Variants in CSMD1 observed in about 807,000 individuals in gnomAD.
CSMD1 encodes the protein CUB and Sushi multiple domains 1, also known as CUB and sushi domain-containing protein 1.
Under a neutral mutation model 417.5 loss-of-function variants are expected in CSMD1, and 213 were observed. The observed-to-expected ratio is 0.51, with a 90% CI of 0.46 to 0.57. The LOEUF (loss-of-function observed/expected upper bound fraction) is 0.57, where lower values mean the gene tolerates loss of function less well. Ranked by LOEUF, CSMD1 falls within the 20% of genes least tolerant of loss-of-function variation. The pLI, the probability that CSMD1 is intolerant of heterozygous loss-of-function variation, is 0.00. For synonymous variants in CSMD1, 2,862 were observed against 1,736.8 expected, an observed-to-expected ratio of 1.65 and a Z score of -16.11; for missense variants, 6,923 against 4,529.7, an observed-to-expected ratio of 1.53 and a Z score of -15.17.
intron 48 of CSMD1, among the ~76,000 whole-genome samples, chr8:3,088,419 C>T: frequency 6.6e-6 from 1 of 152,306 alleles, no homozygotes; most frequent in Non-Finnish European, 1.5e-5. Context: ...CCCTCTGGGG[C>T]TTCCATATAA....
intron 1 of CSMD1, among the ~76,000 whole-genome samples, chr8:4,753,406 CACACACACACACA>C (rs1811469153): frequency 7.6e-5 from 4 of 52,656 alleles, no homozygotes; most frequent in South Asian, 8.7e-4. Flanking sequence ...CCATAAACCA[CACACACACACACA>C]CACACACACA....
intron 1 of CSMD1, among the ~76,000 whole-genome samples, chr8:4,966,264 A>G (rs984152688): frequency 2.8e-4 from 42 of 151,224 alleles, no homozygotes; most frequent in Non-Finnish European, 5.7e-4. Context: ...CTGTAATCCC[A>G]GCTACTTGGG....
intron 3 of CSMD1, among the ~76,000 whole-genome samples, chr8:4,072,916 G>T (rs944442075): frequency 1.3e-5 from 2 of 152,086 alleles, no homozygotes; most frequent in Admixed American, 6.5e-5. Context: ...CACAACCTTG[G>T]ATATTACCAC....
chr8:4,165,300 G>C (rs979006193), intron 3 of CSMD1, among the ~76,000 whole-genome samples: 2 of 152,242 alleles, frequency 1.3e-5, no homozygotes, highest in African/African-American at 4.8e-5. Flanking sequence ...GTTAAGTTCT[G>C]TGTGCCGGGT....
At chr8:4,152,574 C>A (rs1239362146) in intron 3 of CSMD1, among the ~76,000 whole-genome samples, 1 of 151,552 alleles carries the variant, frequency 6.6e-6, no homozygotes, top group African/African-American at 2.4e-5. Flanking sequence ...CTTGTGTTCC[C>A]AACTCCTTGG....
chr8:2,989,778 C>T (rs1202506572), intron 54 of CSMD1, among the ~76,000 whole-genome samples: 1 of 152,200 alleles, frequency 6.6e-6, no homozygotes, highest in Admixed American at 6.5e-5. Flanking sequence ...TAAAAGCCCA[C>T]TCTTTTGAGT....
At chr8:3,712,579 A>C (rs1246523019) in intron 6 of CSMD1, among the ~76,000 whole-genome samples, 1 of 152,224 alleles carries the variant, frequency 6.6e-6, no homozygotes, top group Non-Finnish European at 1.5e-5. Flanking sequence ...ATGAATGATA[A>C]AAATATTTCG....
intron 1 of CSMD1, among the ~76,000 whole-genome samples, chr8:4,883,700 C>T (rs1803555169): frequency 6.6e-6 from 1 of 151,924 alleles, no homozygotes; most frequent in South Asian, 2.1e-4. Flanking sequence ...TATGGCCATA[C>T]CATATTTTGT....
rs183162119 is a variant in CSMD1, at chr8:3,026,620, C to G, written c.7855+2699G>C. Among the ~76,000 whole-genome samples, 1,232 of 152,134 alleles carry G rather than the reference C, an allele frequency of 8.1e-3. 24 individuals are homozygous for G. The highest frequency in any genetic ancestry group is 0.028 in the African/African-American group (1,166 of 41,464). ...CTCACTGGACCTCACTGGACCTCAC[C>G]GGGCCTCCAGCCCTGTCAACACCGT... On this transcript the variant is annotated intron_variant, in intron 51 of 69. Transcript: ENST00000635120.
chr8:3,928,256 A>G (rs1475610111), intron 5 of CSMD1, among the ~76,000 whole-genome samples: 3 of 152,246 alleles, frequency 2.0e-5, no homozygotes, highest in African/African-American at 4.8e-5. Flanking sequence ...ACAGCCTCAT[A>G]ATTACATATG....
At chr8:4,351,623 G>C (rs1262596226) in intron 3 of CSMD1, among the ~76,000 whole-genome samples, 2 of 152,184 alleles carry the variant, frequency 1.3e-5, no homozygotes, top group African/African-American at 4.8e-5. Context: ...GTGGGAGTGA[G>C]AAAGGAGATG....
chr8:3,232,218 T>A (rs187557749), intron 26 of CSMD1, among the ~76,000 whole-genome samples: 71 of 152,314 alleles, frequency 4.7e-4, no homozygotes, highest in African/African-American at 1.7e-3. Flanking sequence ...TGACTATAAA[T>A]GTATGCATTC....
intron 3 of CSMD1, among the ~76,000 whole-genome samples, chr8:4,096,566 G>A (rs1018906359): frequency 5.7e-5 from 8 of 141,474 alleles, no homozygotes; most frequent in African/African-American, 8.7e-5. Context: ...GATAATGCAC[G>A]CCACTAAGGA....
chr8:4,894,456 G>C (rs572402557), intron 1 of CSMD1, among the ~76,000 whole-genome samples: 2 of 151,776 alleles, frequency 1.3e-5, no homozygotes, highest in Admixed American at 6.6e-5. Flanking sequence ...GGGAGGCTGA[G>C]GCAGGAGAAT....
intron 3 of CSMD1, among the ~76,000 whole-genome samples, chr8:4,278,369 C>G (rs1796600564): frequency 6.6e-6 from 1 of 152,104 alleles, no homozygotes; most frequent in African/African-American, 2.4e-5. Flanking sequence ...GAAACTGAAA[C>G]TATAAAATTA....
intron 3 of CSMD1, among the ~76,000 whole-genome samples, chr8:4,280,699 C>G (rs770915803): frequency 9.2e-5 from 14 of 152,126 alleles, no homozygotes; most frequent in African/African-American, 3.1e-4. Context: ...GAGCACAGCT[C>G]TATAGCAATA....
chr8:3,928,417 G>A (rs1257561728), intron 5 of CSMD1, among the ~76,000 whole-genome samples: 1 of 152,162 alleles, frequency 6.6e-6, no homozygotes, highest in Non-Finnish European at 1.5e-5. Flanking sequence ...CACAAGCAAT[G>A]AGTCCTAACT....
At chr8:3,970,385 T>C (rs2130072711) in intron 5 of CSMD1, among the ~76,000 whole-genome samples, 1 of 152,168 alleles carries the variant, frequency 6.6e-6, no homozygotes, top group South Asian at 2.1e-4. Context: ...AAACAGTAAA[T>C]CTGAAACGAG....
chr8:4,562,575 T>A (rs186975794), intron 2 of CSMD1, among the ~76,000 whole-genome samples: 3 of 152,214 alleles, frequency 2.0e-5, no homozygotes, highest in Admixed American at 1.3e-4. Context: ...AATGAGCATA[T>A]CCTGACTACT....
Sources: gnomAD v4.1 joint callset for allele counts (sites outside exome capture counted in the v4.1 genomes callset) on GRCh38, gnomAD v4.1.1 for gene constraint, MANE v1.5 for transcripts, NCBI Gene and HGNC (gene_info 2026-07-23, HGNC 2026-07-21) for gene names.